TRANK1: variants seen among roughly 807,000 people sequenced by gnomAD.
The protein encoded by TRANK1 is tetratricopeptide repeat and ankyrin repeat containing 1.
Under a neutral mutation model 266.0 loss-of-function variants are expected in TRANK1, and 198 were observed. The observed-to-expected ratio is 0.74, with a 90% CI of 0.66 to 0.84. The LOEUF is 0.84. TRANK1 is among the 40% of genes least tolerant of loss of function. The pLI, the probability that TRANK1 is intolerant of heterozygous loss-of-function variation, is 0.00. For missense variants in TRANK1, 3,326 were observed against 3,634.6 expected (o/e 0.92, Z 2.18); for synonymous variants, 1,396 against 1,384.1 (o/e 1.01, Z -0.19).
At chr3:36,908,796 C>T (rs969951045) in intron 1 of TRANK1, among the ~76,000 whole-genome samples, 1 of 152,184 alleles carries the variant, frequency 6.6e-6, no homozygotes, top group South Asian at 2.1e-4. Flanking sequence ...ATCTCATTTA[C>T]CCATCATCAC....
In TRANK1 at chr3:36,856,746, T is replaced by C. The variant is rs905861097; in HGVS notation, c.2976A>G (p.Ile992Met). The C allele has an allele frequency of 1.2e-6, 2 of 1,613,996 alleles. No homozygotes were observed. Among genetic ancestry groups the C allele is most frequent in the Admixed American group, 1.7e-5 (1 of 60,024 alleles). ...VSANMKIQKR[I>M]PRCYVEDTEA... ...CTGTGTCCTCCACATAGCAGCGAGG[T>C]ATACGCTTTTGAATTTTCATGTTAG... is the stretch of plus-strand genomic sequence containing the variant. The change falls in exon 13 of 24, where the codon ATA becomes ATG. Residue 992 changes from isoleucine to methionine, a missense_variant. Coordinates refer to ENST00000645898, the MANE Select transcript of TRANK1 (RefSeq NM_001329998.2).
chr3:36,885,287 A>G (rs1246775410), intron 8 of TRANK1, among the ~76,000 whole-genome samples: 1 of 152,194 alleles, frequency 6.6e-6, no homozygotes, highest in Non-Finnish European at 1.5e-5. Flanking sequence ...CATTTCTGTA[A>G]TATTCTCACC....
Position 36,856,012 on chromosome 3 carries a change from T to C in TRANK1, c.3710A>G (p.Asp1237Gly). 6.2e-7 allele frequency: 1 copy of C among 1,613,724 alleles called. No homozygotes were observed. The highest frequency in any genetic ancestry group is 8.5e-7 in the Non-Finnish European group (1 of 1,179,860). Residue 1237 changes from aspartate to glycine, a missense_variant, in exon 13 of 24, where the codon GAC (aspartate) becomes GGC (glycine). By Grantham distance (94) the Asp-to-Gly change is moderately conservative. Coordinates refer to ENST00000645898, the MANE Select transcript of TRANK1 (RefSeq NM_001329998.2). Reference sequence around the variant, plus strand: ...AGTGACAAACAGAGGAAAGTTCTCGTCCCTCAGGTCCTGGAGTTTGTGAAT... The same window carrying C: ...AGTGACAAACAGAGGAAAGTTCTCGCCCCTCAGGTCCTGGAGTTTGTGAAT... ...PNIHKLQDLR[D>G]ENFPLFVTSK...
rs2078995953 is a variant in TRANK1 at position 36,852,350 on chromosome 3, A to C, written c.4550-5T>G. ...CAGATGCCAGATTGAGGATTCCTGG[A>C]ATGAAACAGAAAACCCAAGTTGGAT... is the stretch of plus-strand genomic sequence containing the variant. On this transcript the variant is annotated splice_region_variant and splice_polypyrimidine_tract_variant and intron_variant, in intron 13 of 23. Transcript: ENST00000645898. The C allele has an allele frequency of 6.4e-7, 1 of 1,556,462 alleles. No homozygotes were observed.
intron 1 of TRANK1, among the ~76,000 whole-genome samples, chr3:36,916,206 C>T (rs2080121907): frequency 6.6e-6 from 1 of 152,170 alleles, no homozygotes; most frequent in African/African-American, 2.4e-5. Flanking sequence ...AATACATAGC[C>T]ACATGTGGCT....
At chr3:36,909,329 G>C (rs2080019065) in intron 1 of TRANK1, among the ~76,000 whole-genome samples, 1 of 152,194 alleles carries the variant, frequency 6.6e-6, no homozygotes, top group Non-Finnish European at 1.5e-5. Flanking sequence ...GTGTGGCCTG[G>C]GTGGTTGGAG....
chr3:36,875,927 C>T (rs573536240), intron 8 of TRANK1, among the ~76,000 whole-genome samples: 4 of 152,286 alleles, frequency 2.6e-5, no homozygotes, highest in South Asian at 2.1e-4. Context: ...CATTTCCATT[C>T]TATTAAATAC....
In TRANK1 at chr3:36,937,911, C is replaced by T. The variant is rs533758181; in HGVS notation, c.23+6876G>A. Among the ~76,000 whole-genome samples the T allele has an allele frequency of 7.9e-5, 12 of 152,320 alleles. 1 individual carries two copies. In the East Asian group the frequency reaches 2.3e-3, roughly 29 times the overall value. On this transcript the variant is annotated intron_variant, in intron 1 of 23. Coordinates refer to ENST00000645898, the MANE Select transcript of TRANK1 (RefSeq NM_001329998.2). Reference sequence around the variant, plus strand: ...TGGGCTTTGATAATAGCAGCCCAGGCATCTCCCCACCCAGAACCTTCTCCA... The same window carrying T: ...TGGGCTTTGATAATAGCAGCCCAGGTATCTCCCCACCCAGAACCTTCTCCA...
At chr3:36,888,184 T>C (rs1183520224) in intron 8 of TRANK1, among the ~76,000 whole-genome samples, 4 of 152,236 alleles carry the variant, frequency 2.6e-5, no homozygotes, top group Non-Finnish European at 5.9e-5. Flanking sequence ...TAAGTATTGA[T>C]TCATTCTACA....
At chr3:36,892,876 T>TATAG (rs1553626411) in intron 6 of TRANK1, 25 bp downstream of exon 6, 4 of 897,272 alleles carry the variant, frequency 4.5e-6, no homozygotes, top group African/African-American at 3.6e-5. Flanking sequence ...TATATAGATA[T>TATAG]ATATAGATAT....
Position 36,855,269 on chromosome 3 carries a change from A to G in TRANK1, c.4453T>C (p.Phe1485Leu). 1.2e-6 allele frequency: 2 copies of G among 1,614,058 alleles called. No homozygotes were observed. Among genetic ancestry groups the G allele is most frequent in the Non-Finnish European group, 1.7e-6 (2 of 1,179,902 alleles). ...AFRFSDLRSL[F>L]HYASRNTIDK... ...ATGGTGTTTCTGCTGGCATAATGGA[A>G]CAGAGAGCGCAGATCGCTGAAGCGG... The change falls in exon 13 of 24, where the codon TTC (phenylalanine) becomes CTC (leucine). Residue 1485 changes from phenylalanine to leucine, a missense_variant. Transcript: ENST00000645898.
chr3:36,841,734 C>T (rs577844525), intron 18 of TRANK1, among the ~76,000 whole-genome samples: 101 of 152,152 alleles, frequency 6.6e-4, no homozygotes, highest in African/African-American at 8.7e-4. Flanking sequence ...GCTGAGGGAA[C>T]GGAGCACTTG....
chr3:36,865,146 G>A (rs776135433), intron 9 of TRANK1, among the ~76,000 whole-genome samples: 33 of 146,448 alleles, frequency 2.3e-4, no homozygotes, highest in Non-Finnish European at 3.4e-4. Flanking sequence ...TCCTGCCTCT[G>A]CCTCCCGAGT....
intron 1 of TRANK1, among the ~76,000 whole-genome samples, chr3:36,943,409 A>G (rs1376461650): frequency 6.6e-6 from 1 of 151,986 alleles, no homozygotes; most frequent in Non-Finnish European, 1.5e-5. Flanking sequence ...CTAGAAACCC[A>G]TACATAGGCC....
rs978277117 is a variant in TRANK1 at position 36,890,094 on chromosome 3, T to A, written c.776-134A>T. 1.8e-5 allele frequency: 21 copies of A among 1,197,794 alleles called. No individual in the cohort carries two copies. The African/African-American group carries it at 2.8e-4, about 16-fold the overall frequency. 74.2% of individuals were successfully genotyped at this position (1,197,794 alleles called of 1,614,324 possible). On this transcript the variant is annotated intron_variant, in intron 7 of 23. Coordinates refer to ENST00000645898, the MANE Select transcript of TRANK1 (RefSeq NM_001329998.2). ...CAAGTCAGTGTGGACCACGCTAAGG[T>A]AACCAAATGAGGAATCCAACATACG...
At chr3:36,852,776 A>T (rs1312760676) in intron 13 of TRANK1, among the ~76,000 whole-genome samples, 1 of 19,444 alleles carries the variant, frequency 5.1e-5, no homozygotes, top group South Asian at 1.4e-3. Context: ...CATCTCAATT[A>T]AAAAAAAAAA....
chr3:36,925,777 G>A (rs761610043), intron 1 of TRANK1, among the ~76,000 whole-genome samples: 9 of 151,756 alleles, frequency 5.9e-5, no homozygotes, highest in Admixed American at 3.9e-4. Flanking sequence ...TTTGAGATGG[G>A]GTTTCACCAT....
In TRANK1 at chr3:36,856,167, G is replaced by T. The variant is rs770755358; in HGVS notation, c.3555C>A (p.His1185Gln). 1.2e-6 allele frequency: 2 copies of T among 1,613,910 alleles called. No individual in the cohort carries two copies. The highest frequency in any genetic ancestry group is 1.7e-5 in the Admixed American group (1 of 60,014). The change falls in exon 13 of 24, where the codon CAC becomes CAA. Residue 1185 changes from histidine (H) to glutamine (Q), a missense_variant. Physicochemically the swap from His to Gln is conservative, Grantham distance 24. Transcript: ENST00000645898. ...AGATCTGATGTAAATGCTCCAGCTG[G>T]TGGGGATGTTCTGGTGCACATACTT... Reference protein sequence around the residue: ...AAEVCAPEHPHQLEHLHQIFV... With the variant: ...AAEVCAPEHPQQLEHLHQIFV...
In TRANK1 at chr3:36,833,162, T is replaced by A; in HGVS notation, c.6421A>T (p.Ile2141Phe). Residue 2141 changes from isoleucine to phenylalanine, a missense_variant, in exon 22 of 24, where the codon ATT becomes TTT. Ile to Phe is a conservative substitution (Grantham distance 21). Coordinates refer to ENST00000645898, the MANE Select transcript of TRANK1 (RefSeq NM_001329998.2). ...QNDPGPILRIIFDLDLNLREK... is the reference protein window; with the variant it reads ...QNDPGPILRIFFDLDLNLREK... ...CTCAAGTTCAAATCCAGGTCAAAAA[T>A]TATTCTTAATATGGGCCCAGGGTCA... is the stretch of plus-strand genomic sequence containing the variant. The A allele has an allele frequency of 6.2e-7, 1 of 1,613,700 alleles. No individual in the cohort carries two copies. Among genetic ancestry groups the A allele is most frequent in the Non-Finnish European group, 8.5e-7 (1 of 1,179,742 alleles).
Sources: gnomAD v4.1 joint callset for allele counts (sites outside exome capture counted in the v4.1 genomes callset) on GRCh38, gnomAD v4.1.1 for gene constraint, MANE v1.5 for transcripts, NCBI Gene and HGNC (gene_info 2026-07-23, HGNC 2026-07-21) for gene names.